CNTNAP2: variants seen among roughly 807,000 people sequenced by gnomAD.
CNTNAP2 encodes the protein contactin-associated protein-like 2.
CNTNAP2 carries 98 observed loss-of-function variants against 155.2 expected under a neutral mutation model. The observed-to-expected ratio is 0.63, with a 90% CI of 0.54 to 0.75. CNTNAP2 has a LOEUF of 0.75. Among genes scored for constraint, CNTNAP2 ranks in the 30% least tolerant of loss-of-function variants. The pLI, the probability that CNTNAP2 is intolerant of heterozygous loss-of-function variation, is 0.00. For missense variants in CNTNAP2, 1,727 were observed against 1,688.1 expected (o/e 1.02, Z -0.40); for synonymous variants, 651 against 631.2 (o/e 1.03, Z -0.47).
intron 10 of CNTNAP2, among the ~76,000 whole-genome samples, chr7:147,471,923 A>G (rs1798223474): frequency 6.6e-6 from 1 of 152,234 alleles, no homozygotes; most frequent in Non-Finnish European, 1.5e-5. Context: ...AACGTTTGGG[A>G]AATTGCATTT....
chr7:147,108,940 A>T (rs913529264), intron 5 of CNTNAP2, among the ~76,000 whole-genome samples: 11 of 152,184 alleles, frequency 7.2e-5, no homozygotes. Context: ...AGCAGGAAGG[A>T]TGCCGCCGTG....
In CNTNAP2 at chr7:146,789,379, C is replaced by T. The variant is rs370012279; in HGVS notation, c.208+14998C>T. Among the ~76,000 whole-genome samples, 15 of 152,140 alleles carry T rather than the reference C, an allele frequency of 9.9e-5. No homozygotes were observed. In the East Asian group the frequency reaches 1.7e-3, roughly 18 times the overall value. On this transcript the variant is annotated intron_variant, in intron 2 of 23. Coordinates refer to ENST00000361727, the MANE Select transcript of CNTNAP2 (RefSeq NM_014141.6). The stretch of plus-strand genomic sequence containing the variant: ...ACATTTCTCTTTCATTTCTGAGAAG[C>T]GTATATTGAGTAGATTTTCATTCAG...
chr7:146,481,782 G>A (rs1461483171), intron 1 of CNTNAP2, among the ~76,000 whole-genome samples: 1 of 152,036 alleles, frequency 6.6e-6, no homozygotes, highest in South Asian at 2.1e-4. Flanking sequence ...AGATCCAGTG[G>A]GCTACATCAT....
intron 14 of CNTNAP2, among the ~76,000 whole-genome samples, chr7:147,936,208 A>G (rs921018396): frequency 6.6e-6 from 1 of 152,220 alleles, no homozygotes; most frequent in African/African-American, 2.4e-5. Flanking sequence ...GCAAAATAAA[A>G]TTAAAAGACA....
At chr7:147,711,516 C>A (rs1796399768) in intron 13 of CNTNAP2, among the ~76,000 whole-genome samples, 1 of 152,280 alleles carries the variant, frequency 6.6e-6, no homozygotes. Flanking sequence ...AAGCACTGCT[C>A]TATAGGATTT....
At chr7:146,581,540 A>G (rs1798610816) in intron 1 of CNTNAP2, among the ~76,000 whole-genome samples, 1 of 152,056 alleles carries the variant, frequency 6.6e-6, no homozygotes, top group Admixed American at 6.6e-5. Context: ...AAAAGGAGAA[A>G]ATTTAGGTTA....
At chr7:147,927,278 G>A (rs958221610) in intron 14 of CNTNAP2, among the ~76,000 whole-genome samples, 1 of 152,172 alleles carries the variant, frequency 6.6e-6, no homozygotes. Context: ...TATTCAACCT[G>A]AGTAGATGAC....
chr7:146,367,597 G>A (rs1486887876), intron 1 of CNTNAP2, among the ~76,000 whole-genome samples: 1 of 152,044 alleles, frequency 6.6e-6, no homozygotes, highest in Non-Finnish European at 1.5e-5. Flanking sequence ...ATTTTACAGA[G>A]TCCTTTGAGA....
chr7:148,307,158 A>T (rs1271742709), intron 21 of CNTNAP2, among the ~76,000 whole-genome samples: 1 of 152,174 alleles, frequency 6.6e-6, no homozygotes, highest in Non-Finnish European at 1.5e-5. Context: ...CCCTGTTTTC[A>T]GTACAGAGCC....
intron 9 of CNTNAP2, among the ~76,000 whole-genome samples, chr7:147,311,001 A>G (rs1525209): frequency 0.53 from 79,868 of 151,922 alleles, 21,817 homozygotes; most frequent in East Asian, 0.73. Context: ...AACAGGCTAG[A>G]GTGATCAGAC....
At chr7:147,263,575 G>T (rs1804541837) in intron 8 of CNTNAP2, among the ~76,000 whole-genome samples, 1 of 152,138 alleles carries the variant, frequency 6.6e-6, no homozygotes, top group Non-Finnish European at 1.5e-5. Context: ...CCAGATCAAA[G>T]ATCTGCCTGA....
At chr7:147,661,628 C>G (rs1795610975) in intron 13 of CNTNAP2, among the ~76,000 whole-genome samples, 1 of 151,338 alleles carries the variant, frequency 6.6e-6, no homozygotes, top group African/African-American at 2.4e-5. Flanking sequence ...CCTCGGCTCA[C>G]TACGACCCCT....
intron 15 of CNTNAP2, among the ~76,000 whole-genome samples, chr7:148,062,028 A>AGTGT (rs199528714): frequency 0.022 from 2,343 of 105,946 alleles, 46 homozygotes; most frequent in Non-Finnish European, 0.027. Context: ...AGAGAGAGAG[A>AGTGT]GTGTGTGTGT....
chr7:148,394,955 TTTTC>T (rs1354628798), intron 22 of CNTNAP2, among the ~76,000 whole-genome samples: 1 of 152,222 alleles, frequency 6.6e-6, no homozygotes, highest in Non-Finnish European at 1.5e-5. Flanking sequence ...TCTAATTAGA[TTTTC>T]TTTCTCATCT....
chr7:146,352,999 C>G (rs1445515838), intron 1 of CNTNAP2, among the ~76,000 whole-genome samples: 1 of 151,942 alleles, frequency 6.6e-6, no homozygotes, highest in Non-Finnish European at 1.5e-5. Context: ...CGTGATCTGC[C>G]CACCTCGGCC....
chr7:148,173,251 C>T (rs191958043), intron 18 of CNTNAP2, among the ~76,000 whole-genome samples: 302 of 152,276 alleles, frequency 2.0e-3, no homozygotes, highest in African/African-American at 6.6e-3. Flanking sequence ...GGCTTAATTT[C>T]CCATATATAA....
intron 12 of CNTNAP2, among the ~76,000 whole-genome samples, chr7:147,606,663 T>C (rs1468274081): frequency 6.6e-6 from 1 of 152,034 alleles, no homozygotes; most frequent in African/African-American, 2.4e-5. Flanking sequence ...CTTAACAGAG[T>C]AGTGGCTACA....
intron 14 of CNTNAP2, among the ~76,000 whole-genome samples, chr7:147,930,430 G>A (rs1383034254): frequency 6.6e-6 from 1 of 152,048 alleles, no homozygotes; most frequent in East Asian, 1.9e-4. Flanking sequence ...GAGCAGGAGT[G>A]GCTATACTTA....
At chr7:148,205,421 T>C (rs1316492783) in intron 18 of CNTNAP2, among the ~76,000 whole-genome samples, 3 of 152,202 alleles carry the variant, frequency 2.0e-5, no homozygotes, top group Non-Finnish European at 4.4e-5. Context: ...AGTCACTGGA[T>C]TGGAGACAAG....
Sources: allele counts gnomAD v4.1 joint callset (sites outside exome capture counted in the v4.1 genomes callset), GRCh38; gene constraint gnomAD v4.1.1; transcripts MANE v1.5; gene names NCBI Gene and HGNC (gene_info 2026-07-23, HGNC 2026-07-21).